Variants in FHOD3 observed in about 807,000 individuals in gnomAD.
FHOD3 encodes FH1/FH2 domain-containing protein 3.
FHOD3 carries 90 observed loss-of-function variants against 173.0 expected under a neutral mutation model. That is an observed-to-expected ratio of 0.52 (90% confidence interval 0.44 to 0.62). FHOD3 has a LOEUF of 0.62. Among genes scored for constraint, FHOD3 ranks in the 20% least tolerant of loss-of-function variants. The probability of loss-of-function intolerance (pLI) is 0.00; values close to 1 mark genes in which losing one functional copy is unlikely to be tolerated. For missense variants in FHOD3, 1,945 were observed against 2,034.7 expected (o/e 0.96, Z 0.85); for synonymous variants, 828 against 823.0 (o/e 1.01, Z -0.10).
intron 5 of FHOD3, among the ~76,000 whole-genome samples, chr18:36,540,436 G>A (rs1478907864): frequency 2.6e-5 from 4 of 152,194 alleles, no homozygotes; most frequent in African/African-American, 4.8e-5. Context: ...TAGGGCTTTC[G>A]TAGACAGTTT....
At chr18:36,639,942 T>C (rs1204701781) in intron 10 of FHOD3, among the ~76,000 whole-genome samples, 3 of 152,174 alleles carry the variant, frequency 2.0e-5, no homozygotes, top group Non-Finnish European at 2.9e-5. Flanking sequence ...TTACTAATTG[T>C]GCTTTTTTTC....
At chr18:36,418,811 A>G (rs775728839) in intron 3 of FHOD3, among the ~76,000 whole-genome samples, 9 of 152,096 alleles carry the variant, frequency 5.9e-5, no homozygotes, top group African/African-American at 1.2e-4. Context: ...ACTACTTAGG[A>G]GGCTGAGGTG....
chr18:36,493,209 T>C (rs2054555588), intron 3 of FHOD3, among the ~76,000 whole-genome samples: 1 of 111,310 alleles, frequency 9.0e-6, no homozygotes, highest in Non-Finnish European at 1.8e-5. Flanking sequence ...TTTCTTTTCT[T>C]TTTCTTTTTT....
intron 20 of FHOD3, 69 bp downstream of exon 20, chr18:36,730,873 C>G: frequency 1.4e-6 from 2 of 1,472,520 alleles, no homozygotes; most frequent in Non-Finnish European, 1.9e-6. Flanking sequence ...GCTGCATGTC[C>G]ACATTTCAAA....
At chr18:36,555,901 C>T (rs1178604119) in intron 5 of FHOD3, among the ~76,000 whole-genome samples, 1 of 151,994 alleles carries the variant, frequency 6.6e-6, no homozygotes, top group Non-Finnish European at 1.5e-5. Context: ...ATTCTTTTTT[C>T]ATCCTTTTAA....
At chr18:36,491,197 C>T (rs2054451811) in intron 3 of FHOD3, among the ~76,000 whole-genome samples, 1 of 152,114 alleles carries the variant, frequency 6.6e-6, no homozygotes, top group Admixed American at 6.5e-5. Flanking sequence ...CCTCCATGAG[C>T]CTGGGGACTC....
intron 7 of FHOD3, among the ~76,000 whole-genome samples, chr18:36,599,522 C>T (rs1341305665): frequency 6.6e-6 from 1 of 152,190 alleles, no homozygotes; most frequent in Admixed American, 6.5e-5. Flanking sequence ...GCAGAAGCAT[C>T]CACATTGAGT....
intron 10 of FHOD3, among the ~76,000 whole-genome samples, chr18:36,634,240 T>C (rs2034715508): frequency 6.6e-6 from 1 of 152,156 alleles, no homozygotes; most frequent in Non-Finnish European, 1.5e-5. Context: ...TGTTTTCTAT[T>C]TTCCTGCAGG....
chr18:36,391,000 C>G (rs968008013), intron 3 of FHOD3, among the ~76,000 whole-genome samples: 1 of 152,218 alleles, frequency 6.6e-6, no homozygotes, highest in Middle Eastern at 3.2e-3. Flanking sequence ...CATGAATATT[C>G]ACCAGAAAGT....
At chr18:36,402,733 G>T (rs1456373756) in intron 3 of FHOD3, among the ~76,000 whole-genome samples, 1 of 152,116 alleles carries the variant, frequency 6.6e-6, no homozygotes, top group Non-Finnish European at 1.5e-5. Context: ...TGTCACAAAA[G>T]GCTTTGTGCA....
Position 36,590,114 on chromosome 18 carries a change from C to T in FHOD3, c.607-4673C>T, listed in dbSNP as rs192406193. On this transcript the variant is annotated intron_variant, in intron 6 of 28. Transcript: ENST00000590592. ...CACACTGGGCCTGCCTCTCCTTCTCCGTCATTATCCTCCCCGATTTGCCTC... is the reference window on the plus strand; with the variant it reads ...CACACTGGGCCTGCCTCTCCTTCTCTGTCATTATCCTCCCCGATTTGCCTC... 1.7e-3 allele frequency among the ~76,000 whole-genome samples: 255 copies of T among 152,286 alleles called. 1 individual carries two copies. The highest frequency in any genetic ancestry group is 1.8e-3 in the Non-Finnish European group (120 of 68,030).
At chr18:36,759,529 G>A (rs1461316872) in intron 26 of FHOD3, among the ~76,000 whole-genome samples, 1 of 152,212 alleles carries the variant, frequency 6.6e-6, no homozygotes, top group East Asian at 1.9e-4. Context: ...AGAGGAAGTG[G>A]GGCAGTGGCC....
intron 9 of FHOD3, among the ~76,000 whole-genome samples, chr18:36,615,129 C>T (rs937202017): frequency 6.6e-5 from 10 of 152,098 alleles, no homozygotes. Context: ...GGATTAAGGG[C>T]ATGAGCCACC....
At chr18:36,655,604 T>A (rs189132573) in intron 13 of FHOD3, among the ~76,000 whole-genome samples, 1 of 152,204 alleles carries the variant, frequency 6.6e-6, no homozygotes, top group Non-Finnish European at 1.5e-5. Flanking sequence ...CAAGTATTGT[T>A]CCTATTGATT....
At chr18:36,424,026 C>A (rs747308927) in intron 3 of FHOD3, among the ~76,000 whole-genome samples, 5 of 152,184 alleles carry the variant, frequency 3.3e-5, no homozygotes, top group African/African-American at 4.8e-5. Context: ...CAGAAAACTG[C>A]CTTCAGCTGA....
intron 4 of FHOD3, among the ~76,000 whole-genome samples, chr18:36,511,082 A>G (rs2055612758): frequency 6.6e-6 from 1 of 152,220 alleles, no homozygotes; most frequent in South Asian, 2.1e-4. Flanking sequence ...GAGATAAGCC[A>G]TGGTTGCTGA....
intron 9 of FHOD3, among the ~76,000 whole-genome samples, chr18:36,620,942 CAG>C (rs1427026419): frequency 2.0e-5 from 3 of 152,084 alleles, no homozygotes; most frequent in Non-Finnish European, 4.4e-5. Flanking sequence ...CAAGCAATTG[CAG>C]AGAGCTTGGT....
intron 5 of FHOD3, among the ~76,000 whole-genome samples, chr18:36,515,489 T>C (rs1240050460): frequency 1.3e-5 from 2 of 152,182 alleles, no homozygotes; most frequent in Non-Finnish European, 2.9e-5. Context: ...AGTGGTGGGA[T>C]TACAGGCGTG....
At chr18:36,502,187 CAT>C (rs2055066514) in intron 4 of FHOD3, among the ~76,000 whole-genome samples, 188 bp downstream of exon 4, 1 of 150,718 alleles carries the variant, frequency 6.6e-6, no homozygotes, top group African/African-American at 2.4e-5. Context: ...ATATTTCAAA[CAT>C]AATAAAAAGT....
Sources: allele counts gnomAD v4.1 joint callset (sites outside exome capture counted in the v4.1 genomes callset), GRCh38; gene constraint gnomAD v4.1.1; transcripts MANE v1.5; gene names NCBI Gene and HGNC (gene_info 2026-07-23, HGNC 2026-07-21).